Variants in PITPNC1 observed in about 807,000 individuals in gnomAD.
The protein encoded by PITPNC1 is phosphatidylinositol transfer protein cytoplasmic 1.
PITPNC1 carries 18 observed loss-of-function variants against 44.7 expected under a neutral mutation model. The observed-to-expected ratio is 0.40, with a 90% CI of 0.28 to 0.60. PITPNC1 has a LOEUF of 0.60. Ranked by LOEUF, PITPNC1 falls within the 20% of genes least tolerant of loss-of-function variation. The probability of loss-of-function intolerance (pLI) is 0.39; values close to 1 mark genes in which losing one functional copy is unlikely to be tolerated. For missense variants in PITPNC1, 290 were observed against 418.4 expected, an observed-to-expected ratio of 0.69 and a Z score of 2.68; for synonymous variants, 141 against 149.6, an observed-to-expected ratio of 0.94 and a Z score of 0.42.
intron 1 of PITPNC1, among the ~76,000 whole-genome samples, chr17:67,455,007 G>C (rs1337796263): frequency 6.6e-6 from 1 of 151,758 alleles, no homozygotes; most frequent in Non-Finnish European, 1.5e-5. Flanking sequence ...TTTTTGTAGA[G>C]ATGGGGTCTT....
chr17:67,539,531 A>G (rs932988165), intron 2 of PITPNC1, among the ~76,000 whole-genome samples: 2 of 152,220 alleles, frequency 1.3e-5, no homozygotes, highest in African/African-American at 2.4e-5. Context: ...AACGTGCAAT[A>G]TATCAGCTGC....
chr17:67,409,879 G>A (rs1259158463), intron 1 of PITPNC1, among the ~76,000 whole-genome samples: 3 of 152,112 alleles, frequency 2.0e-5, no homozygotes, highest in South Asian at 4.1e-4. Context: ...AGTATCCTTT[G>A]TATAAATCTG....
intron 5 of PITPNC1, among the ~76,000 whole-genome samples, chr17:67,617,955 C>T (rs1248522632): frequency 6.6e-6 from 1 of 152,022 alleles, no homozygotes; most frequent in African/African-American, 2.4e-5. Flanking sequence ...ACATGAGATT[C>T]GGGGGGACAC....
intron 1 of PITPNC1, among the ~76,000 whole-genome samples, chr17:67,512,458 G>A (rs2040198206): frequency 7.2e-6 from 1 of 138,750 alleles, no homozygotes; most frequent in Non-Finnish European, 1.5e-5. Flanking sequence ...CCGAGATCGT[G>A]CCACTGCACT....
chr17:67,385,590 C>T (rs756935868), intron 1 of PITPNC1, among the ~76,000 whole-genome samples: 2 of 151,802 alleles, frequency 1.3e-5, no homozygotes, highest in African/African-American at 4.8e-5. Context: ...CTCTTTGGTC[C>T]GCACCACCTT....
intron 6 of PITPNC1, among the ~76,000 whole-genome samples, chr17:67,652,036 G>C (rs1024652028): frequency 6.6e-6 from 1 of 152,214 alleles, no homozygotes; most frequent in Non-Finnish European, 1.5e-5. Flanking sequence ...TTAGGGCTGA[G>C]GGTTATAGTT....
At chr17:67,533,432 C>T (rs553311037) in intron 2 of PITPNC1, among the ~76,000 whole-genome samples, 4 of 152,074 alleles carry the variant, frequency 2.6e-5, no homozygotes, top group African/African-American at 9.7e-5. Flanking sequence ...AATTCAAGAG[C>T]CTGGAAGGTG....
intron 1 of PITPNC1, among the ~76,000 whole-genome samples, chr17:67,507,324 AG>A (rs1568018764): frequency 6.6e-6 from 1 of 152,090 alleles, no homozygotes; most frequent in African/African-American, 2.4e-5. Flanking sequence ...AAAACTTGGG[AG>A]AGGAGTTCAG....
chr17:67,450,362 C>T (rs370130853), intron 1 of PITPNC1, among the ~76,000 whole-genome samples: 1 of 130,236 alleles, frequency 7.7e-6, no homozygotes, highest in Non-Finnish European at 1.7e-5. Context: ...TGAAGGTGCA[C>T]GGGAGACTTC....
chr17:67,583,737 C>G (rs1469644942), intron 5 of PITPNC1, among the ~76,000 whole-genome samples: 1 of 142,734 alleles, frequency 7.0e-6, no homozygotes, highest in Non-Finnish European at 1.5e-5. Flanking sequence ...CTCTGTCACC[C>G]AGGCTGGAGT....
chr17:67,548,745 T>C (rs2040718418), intron 2 of PITPNC1, among the ~76,000 whole-genome samples: 1 of 152,150 alleles, frequency 6.6e-6, no homozygotes, highest in African/African-American at 2.4e-5. Context: ...CCTGGTGAGA[T>C]GGGCCATTGG....
rs1364427813 is a variant in PITPNC1 at position 67,482,304 on chromosome 17, T to C, written c.49-50498T>C. On this transcript the variant is annotated intron_variant, in intron 1 of 8. Transcript: ENST00000581322. ...AGCTTTTTAATATGGTTATCTTGAGTAGGGTATTTCTAGGCTTATTTGGAA... is the reference window on the plus strand; with the variant it reads ...AGCTTTTTAATATGGTTATCTTGAGCAGGGTATTTCTAGGCTTATTTGGAA... Among the ~76,000 whole-genome samples, 4 of 152,178 alleles carry C rather than the reference T, an allele frequency of 2.6e-5. No individual in the cohort carries two copies. The East Asian group carries it at 7.7e-4, about 29-fold the overall frequency.
At chr17:67,636,996 C>T (rs1304138125) in intron 6 of PITPNC1, among the ~76,000 whole-genome samples, 1 of 152,166 alleles carries the variant, frequency 6.6e-6, no homozygotes, top group African/African-American at 2.4e-5. Context: ...TGGGCATGCC[C>T]CCACCACTGC....
At chr17:67,549,469 G>A (rs1046242523) in intron 2 of PITPNC1, among the ~76,000 whole-genome samples, 1 of 152,142 alleles carries the variant, frequency 6.6e-6, no homozygotes. Flanking sequence ...ATTGATTATC[G>A]TGCTGCATAT....
chr17:67,432,162 A>G (rs2038865521), intron 1 of PITPNC1, among the ~76,000 whole-genome samples: 1 of 152,234 alleles, frequency 6.6e-6, no homozygotes, highest in Non-Finnish European at 1.5e-5. Flanking sequence ...TCCTTGGGCC[A>G]CATTGGAAGA....
At chr17:67,671,869 T>G (rs1201979431) in intron 7 of PITPNC1, among the ~76,000 whole-genome samples, 1 of 152,200 alleles carries the variant, frequency 6.6e-6, no homozygotes. Flanking sequence ...AGCATCCCTT[T>G]TTGTGTGTGG....
At chr17:67,599,767 A>G (rs2041516822) in intron 5 of PITPNC1, among the ~76,000 whole-genome samples, 1 of 152,172 alleles carries the variant, frequency 6.6e-6, no homozygotes, top group Non-Finnish European at 1.5e-5. Flanking sequence ...AAAGAATTGG[A>G]TCAGAAGGGG....
intron 1 of PITPNC1, among the ~76,000 whole-genome samples, chr17:67,464,994 C>T (rs1182576342): frequency 6.6e-6 from 1 of 152,240 alleles, no homozygotes; most frequent in African/African-American, 2.4e-5. Context: ...CCGCCTTGGT[C>T]TCCCAAAGTG....
At chr17:67,411,954 C>T (rs1405059949) in intron 1 of PITPNC1, among the ~76,000 whole-genome samples, 1 of 152,096 alleles carries the variant, frequency 6.6e-6, no homozygotes, top group Non-Finnish European at 1.5e-5. Flanking sequence ...TGCAAGCTCC[C>T]TTCCCATGGT....
Sources: allele counts gnomAD v4.1 joint callset (sites outside exome capture counted in the v4.1 genomes callset), GRCh38; gene constraint gnomAD v4.1.1; transcripts MANE v1.5; gene names NCBI Gene and HGNC (gene_info 2026-07-23, HGNC 2026-07-21).